SLC22A23: variants seen among roughly 807,000 people sequenced by gnomAD.
SLC22A23 encodes solute carrier family 22 member 23, also known as ion transporter protein.
In SLC22A23, 26 loss-of-function variants were observed where a neutral mutation model predicts 61.0. The ratio of observed to expected loss-of-function variants is 0.43; its 90% CI spans 0.31 to 0.59. SLC22A23 has a LOEUF of 0.59. SLC22A23 is among the 20% of genes least tolerant of loss of function. SLC22A23 has a pLI of 0.11. For missense variants in SLC22A23, 796 were observed against 934.7 expected, an observed-to-expected ratio of 0.85 and a Z score of 1.94; for synonymous variants, 430 against 413.9, an observed-to-expected ratio of 1.04 and a Z score of -0.47.
rs1181850227 is a variant in SLC22A23, at chr6:3,410,771, G to A, written c.759-429C>T. On this transcript the variant is annotated intron_variant, in intron 2 of 9. Coordinates refer to ENST00000406686, the MANE Select transcript of SLC22A23 (RefSeq NM_015482.2). The surrounding 1 kb of genome is among the most constrained non-coding windows in gnomAD (Gnocchi z 5.0). ...AGTCAACATGGTCACCAAGCAAAGC[G>A]GCTTTGTTTCCTCTCCCCAGGTTGT... 6.6e-6 allele frequency among the ~76,000 whole-genome samples: 1 copy of A among 152,108 alleles called. No homozygotes were observed. Among genetic ancestry groups the A allele is most frequent in the Non-Finnish European group, 1.5e-5 (1 of 68,022 alleles).
In SLC22A23 at chr6:3,387,844, G is replaced by A. The variant is rs758270703; in HGVS notation, c.913+22344C>T. Among the ~76,000 whole-genome samples, 1 of 152,194 alleles carries A rather than the reference G, an allele frequency of 6.6e-6. No individual in the cohort carries two copies. The highest frequency in any genetic ancestry group is 1.5e-5 in the Non-Finnish European group (1 of 68,034). ...GCTTCTCTGATAAAGTTCTCTGAGG[G>A]TGAGTGGCAGGAAAGGAGAAGGCAG... On this transcript the variant is annotated intron_variant, in intron 3 of 9. Transcript: ENST00000406686. This position sits in a 1 kb window ranked among gnomAD's most constrained non-coding sequence, Gnocchi z 5.0.
At chr6:3,394,973 T>G (rs1429610741) in intron 3 of SLC22A23, among the ~76,000 whole-genome samples, 1 of 152,030 alleles carries the variant, frequency 6.6e-6, no homozygotes, top group African/African-American at 2.4e-5. Flanking sequence ...AACCCAGTGA[T>G]GAAAAGCAGG....
At chr6:3,400,682 C>T (rs1310564838) in intron 3 of SLC22A23, among the ~76,000 whole-genome samples, 1 of 152,206 alleles carries the variant, frequency 6.6e-6, no homozygotes, top group Non-Finnish European at 1.5e-5. Context: ...AGCCTGGATT[C>T]CACCCAAGCA....
At chr6:3,397,466 A>G (rs1176862684) in intron 3 of SLC22A23, among the ~76,000 whole-genome samples, 1 of 152,220 alleles carries the variant, frequency 6.6e-6, no homozygotes, top group East Asian at 1.9e-4. Context: ...CATCTCTAGC[A>G]AATTAGACAA....
At chr6:3,451,988 A>G (rs2127559746) in intron 1 of SLC22A23, among the ~76,000 whole-genome samples, 1 of 152,280 alleles carries the variant, frequency 6.6e-6, no homozygotes, top group East Asian at 1.9e-4. Flanking sequence ...TTTCACTTTC[A>G]GTACAGTATT....
intron 4 of SLC22A23, among the ~76,000 whole-genome samples, chr6:3,310,316 C>A (rs1392601920): frequency 5.6e-5 from 8 of 143,346 alleles, no homozygotes; most frequent in African/African-American, 2.1e-4. Context: ...CACTCAAGCA[C>A]CCTGCCTCCC....
At chr6:3,362,169 C>T (rs1029046975) in intron 3 of SLC22A23, among the ~76,000 whole-genome samples, 1 of 151,484 alleles carries the variant, frequency 6.6e-6, no homozygotes, top group Non-Finnish European at 1.5e-5. Flanking sequence ...TTTGAGAGGC[C>T]GAGGTGGGTG....
At chr6:3,406,714 G>A (rs1444664490) in intron 3 of SLC22A23, among the ~76,000 whole-genome samples, 1 of 152,138 alleles carries the variant, frequency 6.6e-6, no homozygotes, top group Middle Eastern at 3.2e-3. Flanking sequence ...TGTGCACTCT[G>A]CTTCCATGCA....
At chr6:3,320,797 TC>T (rs769460235) in intron 4 of SLC22A23, among the ~76,000 whole-genome samples, 1 of 152,142 alleles carries the variant, frequency 6.6e-6, no homozygotes, top group Non-Finnish European at 1.5e-5. Flanking sequence ...ACACCCAGAC[TC>T]CTATATATAT....
intron 3 of SLC22A23, among the ~76,000 whole-genome samples, chr6:3,365,251 G>C (rs761557793): frequency 2.0e-5 from 3 of 152,232 alleles, no homozygotes; most frequent in Non-Finnish European, 4.4e-5. Context: ...GAACCCGGGA[G>C]GTGGAGGTTG....
At chr6:3,354,031 A>C (rs992238033) in intron 3 of SLC22A23, among the ~76,000 whole-genome samples, 2 of 152,246 alleles carry the variant, frequency 1.3e-5, no homozygotes, top group African/African-American at 4.8e-5. Flanking sequence ...TTGATGTGAC[A>C]GGTAGCTAAG....
chr6:3,272,832 T>C lies in SLC22A23; in HGVS notation c.*223A>G. Reference sequence around the variant, plus strand: ...AATGACCAAAATAAATACACACATTTAACGGCAGAAAAGAAAGTCTTGAAA... The same window carrying C: ...AATGACCAAAATAAATACACACATTCAACGGCAGAAAAGAAAGTCTTGAAA... On this transcript the variant is annotated 3_prime_UTR_variant, in exon 10 of 10. Transcript: ENST00000406686. 2.1e-6 allele frequency: 1 copy of C among 476,886 alleles called. No homozygotes were observed. The highest frequency in any genetic ancestry group is 3.4e-5 in the East Asian group (1 of 29,458). 29.5% of individuals were successfully genotyped at this position (476,886 alleles called of 1,614,324 possible).
intron 5 of SLC22A23, chr6:3,291,017 G>A (rs61417737): frequency 0.11 from 16,168 of 152,308 alleles, 1,199 homozygotes; most frequent in African/African-American, 0.2. Context: ...GGGAGGAGTC[G>A]TCATGGAAAG....
At chr6:3,375,711 T>C (rs1561936082) in intron 3 of SLC22A23, among the ~76,000 whole-genome samples, 3 of 152,260 alleles carry the variant, frequency 2.0e-5, no homozygotes, top group Non-Finnish European at 4.4e-5. Flanking sequence ...TAAGCACTTC[T>C]GCAATTGGCC....
chr6:3,315,109 G>C (rs903989952), intron 4 of SLC22A23, among the ~76,000 whole-genome samples: 1 of 152,168 alleles, frequency 6.6e-6, no homozygotes, highest in Non-Finnish European at 1.5e-5. Context: ...AGGTGGGCTC[G>C]AGGTGAGAAT....
At chr6:3,382,863 G>A (rs1767043266) in intron 3 of SLC22A23, among the ~76,000 whole-genome samples, 1 of 152,160 alleles carries the variant, frequency 6.6e-6, no homozygotes, top group Non-Finnish European at 1.5e-5. Flanking sequence ...CCAAAGAAGG[G>A]CATTGCTGCT....
chr6:3,273,102 C>T lies in SLC22A23; in HGVS notation c.2014G>A (p.Asp672Asn), dbSNP rs879195969. ...SGLHDAAAAG[D>N]TLPEGATANG... Reference sequence around the variant, plus strand: ...GCCGTGGCACCCTCGGGCAGTGTGTCACCCGCGGCTGCGGCATCGTGGAGG... The same window carrying T: ...GCCGTGGCACCCTCGGGCAGTGTGTTACCCGCGGCTGCGGCATCGTGGAGG... Residue 672 changes from aspartate (D) to asparagine (N), a missense_variant, in exon 10 of 10, where the codon GAC becomes AAC. Transcript: ENST00000406686. 8 of 1,596,062 alleles carry T rather than the reference C, an allele frequency of 5.0e-6. No homozygotes were observed. Among genetic ancestry groups the T allele is most frequent in the Non-Finnish European group, 6.8e-6 (8 of 1,173,014 alleles).
intron 3 of SLC22A23, among the ~76,000 whole-genome samples, chr6:3,350,587 T>C (rs567930667): frequency 6.6e-6 from 1 of 152,362 alleles, no homozygotes; most frequent in African/African-American, 2.4e-5. Context: ...AGAATATTCA[T>C]GTTCTGGCCC....
In SLC22A23 at chr6:3,418,587, G is replaced by A. The variant is rs531812665; in HGVS notation, c.655-2732C>T. ...CTCACACGCCTGGTAGGGAGAGGAA[G>A]CCTGGTTAGAAGTATTGCTGGCTCC... is the stretch of plus-strand genomic sequence containing the variant. On this transcript the variant is annotated intron_variant, in intron 1 of 9. Coordinates refer to ENST00000406686, the MANE Select transcript of SLC22A23 (RefSeq NM_015482.2). 4.6e-5 allele frequency among the ~76,000 whole-genome samples: 7 copies of A among 152,364 alleles called. No individual in the cohort carries two copies. The East Asian group carries it at 1.4e-3, about 29-fold the overall frequency.
Sources: allele counts gnomAD v4.1 joint callset (sites outside exome capture counted in the v4.1 genomes callset), GRCh38; gene constraint gnomAD v4.1.1; non-coding constraint Gnocchi (gnomAD v3.1); transcripts MANE v1.5; gene names NCBI Gene and HGNC (gene_info 2026-07-23, HGNC 2026-07-21).